Variants in CTNNA3 observed in about 807,000 individuals in gnomAD.
The protein encoded by CTNNA3 is catenin alpha-3.
In CTNNA3, 76 loss-of-function variants were observed where a neutral mutation model predicts 95.7. The observed-to-expected ratio is 0.79, with a 90% CI of 0.66 to 0.96. The LOEUF is 0.96. CTNNA3 is among the 40% of genes least tolerant of loss of function. The pLI is 0.00. For synonymous variants in CTNNA3, 431 were observed against 374.4 expected (o/e 1.15, Z -1.74); for missense variants, 1,191 against 1,089.8 (o/e 1.09, Z -1.31).
chr10:66,077,992 C>T (rs1157211305), intron 14 of CTNNA3, among the ~76,000 whole-genome samples: 1 of 151,732 alleles, frequency 6.6e-6, no homozygotes, highest in Non-Finnish European at 1.5e-5. Flanking sequence ...CAGTGAGGAC[C>T]AACCCCAGGA....
At chr10:67,127,388 C>G (rs1278854067) in intron 7 of CTNNA3, among the ~76,000 whole-genome samples, 1 of 152,174 alleles carries the variant, frequency 6.6e-6, no homozygotes, top group East Asian at 1.9e-4. Flanking sequence ...AGACCATTCT[C>G]AAGCCCTACT....
chr10:66,876,858 T>G (rs1278835020), intron 7 of CTNNA3, among the ~76,000 whole-genome samples: 1 of 152,126 alleles, frequency 6.6e-6, no homozygotes, highest in Non-Finnish European at 1.5e-5. Flanking sequence ...TATAAACAGT[T>G]GTTCTGTGAC....
intron 13 of CTNNA3, among the ~76,000 whole-genome samples, chr10:66,243,488 T>C (rs1564804315): frequency 6.6e-6 from 1 of 152,218 alleles, no homozygotes; most frequent in Non-Finnish European, 1.5e-5. Flanking sequence ...TTCCTTTTTT[T>C]CTATTGATTC....
intron 13 of CTNNA3, among the ~76,000 whole-genome samples, chr10:66,231,882 T>C (rs1005469384): frequency 1.3e-5 from 2 of 152,168 alleles, no homozygotes; most frequent in African/African-American, 4.8e-5. Context: ...CTACTCCTCC[T>C]CCTTACTCTC....
intron 7 of CTNNA3, among the ~76,000 whole-genome samples, chr10:66,916,675 T>A (rs1343404742): frequency 6.6e-6 from 1 of 152,130 alleles, no homozygotes; most frequent in East Asian, 1.9e-4. Flanking sequence ...AAGAACTGGG[T>A]CACCACAGGC....
intron 5 of CTNNA3, among the ~76,000 whole-genome samples, chr10:67,235,523 T>C (rs1400588389): frequency 6.7e-6 from 1 of 149,690 alleles, no homozygotes; most frequent in Non-Finnish European, 1.5e-5. Flanking sequence ...TCAAGATGGA[T>C]TAAAGACTTA....
At chr10:67,762,331 T>A (rs891685826) in intron 1 of CTNNA3, among the ~76,000 whole-genome samples, 4 of 150,426 alleles carry the variant, frequency 2.7e-5, no homozygotes, top group Non-Finnish European at 5.9e-5. Flanking sequence ...AAATACACAA[T>A]AACTTTATAA....
At chr10:67,595,577 G>A (rs765180813) in intron 3 of CTNNA3, among the ~76,000 whole-genome samples, 4 of 152,182 alleles carry the variant, frequency 2.6e-5, no homozygotes, top group Non-Finnish European at 4.4e-5. Context: ...TTTAGAGTAT[G>A]TGCCATGTGC....
intron 3 of CTNNA3, among the ~76,000 whole-genome samples, chr10:67,554,453 G>C (rs997108668): frequency 1.1e-4 from 16 of 152,248 alleles, no homozygotes; most frequent in Non-Finnish European, 2.1e-4. Flanking sequence ...GCCATTCTAA[G>C]TGGTGTGAGA....
At chr10:66,907,470 T>C (rs541533150) in intron 7 of CTNNA3, among the ~76,000 whole-genome samples, 45 of 152,306 alleles carry the variant, frequency 3.0e-4, no homozygotes, top group African/African-American at 1.1e-3. Flanking sequence ...TTGAAAAATA[T>C]GTGCTGACAA....
At position 65,975,914 on chromosome 10, in the gene CTNNA3, T is replaced by A. The variant is rs559495124; in HGVS notation, c.2266-9168A>T. On this transcript the variant is annotated intron_variant, in intron 16 of 17. Transcript: ENST00000433211. ...TCTTCATTCTTAAGTATGGACACAA[T>A]GATAATACCTGACATGTAAAGTGTT... Among the ~76,000 whole-genome samples the A allele has an allele frequency of 1.1e-4, 16 of 152,256 alleles. No individual in the cohort carries two copies. In the South Asian group the frequency reaches 2.9e-3, roughly 28 times the overall value.
At chr10:67,306,169 A>T (rs915523805) in intron 5 of CTNNA3, among the ~76,000 whole-genome samples, 1 of 152,164 alleles carries the variant, frequency 6.6e-6, no homozygotes, top group Non-Finnish European at 1.5e-5. Context: ...AGCAAAAAAA[A>T]AATTATAGAG....
intron 15 of CTNNA3, among the ~76,000 whole-genome samples, chr10:66,003,464 C>G (rs1311502127): frequency 6.6e-6 from 1 of 151,968 alleles, no homozygotes; most frequent in Non-Finnish European, 1.5e-5. Context: ...TACCCTTTAC[C>G]TGTTAGTGTT....
intron 1 of CTNNA3, among the ~76,000 whole-genome samples, chr10:67,743,253 T>A (rs1192480304): frequency 1.3e-5 from 2 of 151,210 alleles, no homozygotes. Context: ...AAATCCTCAA[T>A]AAAATACTGG....
intron 13 of CTNNA3, among the ~76,000 whole-genome samples, chr10:66,270,078 A>T (rs1004062324): frequency 2.0e-5 from 3 of 152,218 alleles, no homozygotes; most frequent in African/African-American, 7.2e-5. Context: ...TACTGTCCTT[A>T]ATTTTTGTAG....
intron 5 of CTNNA3, among the ~76,000 whole-genome samples, chr10:67,483,649 C>T (rs1384066123): frequency 6.6e-6 from 1 of 151,544 alleles, no homozygotes; most frequent in Non-Finnish European, 1.5e-5. Context: ...AGGAGATATA[C>T]CTAATGCTAA....
intron 5 of CTNNA3, among the ~76,000 whole-genome samples, chr10:67,515,907 C>T (rs1486757702): frequency 1.3e-5 from 2 of 152,184 alleles, no homozygotes; most frequent in South Asian, 4.1e-4. Flanking sequence ...TTACACCCTT[C>T]CTTAGACTGC....
intron 13 of CTNNA3, among the ~76,000 whole-genome samples, chr10:66,147,651 C>A (rs2083967031): frequency 1.6e-5 from 2 of 127,894 alleles, no homozygotes; most frequent in African/African-American, 5.8e-5. Context: ...CGCCAATGCT[C>A]TTAACAGTAG....
intron 17 of CTNNA3, among the ~76,000 whole-genome samples, chr10:65,964,221 A>C (rs2077911132): frequency 6.6e-6 from 1 of 152,194 alleles, no homozygotes; most frequent in Non-Finnish European, 1.5e-5. Flanking sequence ...TGAGAGATTA[A>C]AGTAAGTGTG....
Sources: allele counts gnomAD v4.1 joint callset (sites outside exome capture counted in the v4.1 genomes callset), GRCh38; gene constraint gnomAD v4.1.1; transcripts MANE v1.5; gene names NCBI Gene and HGNC (gene_info 2026-07-23, HGNC 2026-07-21).